ARL15: variants seen among roughly 807,000 people sequenced by gnomAD.
ARL15 encodes the protein ARF like GTPase 15.
ARL15 carries 19 observed loss-of-function variants against 25.2 expected under a neutral mutation model. That is an observed-to-expected ratio of 0.75 (90% CI 0.53 to 1.10). ARL15 has a LOEUF of 1.10. ARL15 is among the 50% of genes least tolerant of loss of function. The pLI, the probability that ARL15 is intolerant of heterozygous loss-of-function variation, is 0.00. For missense variants in ARL15, 220 were observed against 246.0 expected, an observed-to-expected ratio of 0.89 and a Z score of 0.71; for synonymous variants, 94 against 86.8, an observed-to-expected ratio of 1.08 and a Z score of -0.46.
intron 4 of ARL15, among the ~76,000 whole-genome samples, chr5:54,077,932 A>G (rs750735226): frequency 1.6e-4 from 24 of 152,162 alleles, no homozygotes; most frequent in Non-Finnish European, 2.9e-4. Flanking sequence ...GAAATATGTA[A>G]TTAATAAAGC....
intron 3 of ARL15, among the ~76,000 whole-genome samples, chr5:54,140,973 T>A: frequency 6.6e-6 from 1 of 152,198 alleles, no homozygotes; most frequent in East Asian, 1.9e-4. Context: ...CTCCTTTCTA[T>A]AAGATCTGCA....
chr5:54,143,737 G>GA (rs1753831648), intron 3 of ARL15, among the ~76,000 whole-genome samples: 1 of 151,262 alleles, frequency 6.6e-6, no homozygotes, highest in Non-Finnish European at 1.5e-5. Context: ...AAAAGTTATG[G>GA]AAAAAAATTC....
rs191923229 is a variant in ARL15, at chr5:54,033,594, C to A, written c.462+79608G>T. 5.2e-3 allele frequency among the ~76,000 whole-genome samples: 788 copies of A among 151,304 alleles called. 3 individuals carry two copies. Among genetic ancestry groups the A allele is most frequent in the Admixed American group, 0.011 (172 of 15,214 alleles). On this transcript the variant is annotated intron_variant, in intron 4 of 4. Coordinates refer to ENST00000504924, the MANE Select transcript of ARL15 (RefSeq NM_019087.3). ...GGCTGAGGCAGGAGAATTGCTTGAA[C>A]CTGGGAGGTGGAGGTTGCAGTGATC...
intron 1 of ARL15, among the ~76,000 whole-genome samples, chr5:54,246,831 CACACACACACACACA>C (rs1757101054): frequency 7.2e-6 from 1 of 138,868 alleles, no homozygotes; most frequent in Non-Finnish European, 1.6e-5. Flanking sequence ...CACACACACA[CACACACACACACACA>C]GAGTACATAA....
intron 1 of ARL15, among the ~76,000 whole-genome samples, chr5:54,277,534 G>A (rs1376176960): frequency 1.3e-5 from 2 of 152,118 alleles, no homozygotes; most frequent in African/African-American, 2.4e-5. Flanking sequence ...GGCGGATCAC[G>A]AGGTCAGGAG....
chr5:53,984,446 C>G (rs2111616794), intron 4 of ARL15, among the ~76,000 whole-genome samples: 1 of 152,098 alleles, frequency 6.6e-6, no homozygotes, highest in Middle Eastern at 3.4e-3. Flanking sequence ...ACATTATGTT[C>G]TGGAGAGTTA....
intron 4 of ARL15, among the ~76,000 whole-genome samples, chr5:54,031,206 G>C (rs1200794422): frequency 6.6e-6 from 1 of 152,150 alleles, no homozygotes; most frequent in East Asian, 1.9e-4. Flanking sequence ...TACTAAGACA[G>C]ACATTTAAGA....
intron 4 of ARL15, among the ~76,000 whole-genome samples, chr5:54,059,870 C>T (rs139293279): frequency 7.4e-4 from 112 of 152,034 alleles, no homozygotes; most frequent in African/African-American, 2.7e-3. Context: ...CTACTTATAA[C>T]CAAATATTAG....
At chr5:54,166,349 C>A (rs1392062261) in intron 2 of ARL15, among the ~76,000 whole-genome samples, 1 of 152,058 alleles carries the variant, frequency 6.6e-6, no homozygotes, top group African/African-American at 2.4e-5. Context: ...CAAGCACCAA[C>A]ACATGCAGCT....
intron 1 of ARL15, among the ~76,000 whole-genome samples, chr5:54,181,905 A>G (rs941315961): frequency 7.0e-6 from 1 of 143,494 alleles, no homozygotes; most frequent in Non-Finnish European, 1.5e-5. Context: ...GCCAGTGATG[A>G]TGAGCATTTT....
At chr5:53,903,166 T>A (rs1212750164) in intron 4 of ARL15, among the ~76,000 whole-genome samples, 1 of 152,146 alleles carries the variant, frequency 6.6e-6, no homozygotes, top group Non-Finnish European at 1.5e-5. Context: ...GTGAAAGACA[T>A]GTCTCAAGAA....
At chr5:54,169,625 C>T (rs1754664986) in intron 2 of ARL15, among the ~76,000 whole-genome samples, 2 of 152,190 alleles carry the variant, frequency 1.3e-5, no homozygotes. Flanking sequence ...CATCTGTATC[C>T]ATGCCTAAAC....
chr5:54,059,846 T>C (rs1217610262), intron 4 of ARL15, among the ~76,000 whole-genome samples: 1 of 152,192 alleles, frequency 6.6e-6, no homozygotes, highest in Non-Finnish European at 1.5e-5. Context: ...ACATTAATGC[T>C]TGTATTTCAT....
chr5:54,067,883 AC>A (rs1751292547), intron 4 of ARL15, among the ~76,000 whole-genome samples: 1 of 152,106 alleles, frequency 6.6e-6, no homozygotes, highest in South Asian at 2.1e-4. Flanking sequence ...ACATTCATTC[AC>A]TCACCAAAAA....
At chr5:54,284,218 C>T (rs1758131333) in intron 1 of ARL15, among the ~76,000 whole-genome samples, 1 of 152,192 alleles carries the variant, frequency 6.6e-6, no homozygotes, top group African/African-American at 2.4e-5. Flanking sequence ...ATCCTCCCAC[C>T]TGAGCCTCCC....
chr5:53,969,645 T>A (rs914706646), intron 4 of ARL15, among the ~76,000 whole-genome samples: 2 of 152,138 alleles, frequency 1.3e-5, no homozygotes, highest in African/African-American at 2.4e-5. Context: ...TTAATATTTT[T>A]AAAAAATCTA....
intron 4 of ARL15, among the ~76,000 whole-genome samples, chr5:54,070,161 C>T (rs1207602281): frequency 4.7e-5 from 7 of 150,522 alleles, no homozygotes; most frequent in South Asian, 2.1e-4. Context: ...GAGGCCGAGG[C>T]GGGTGGATCA....
chr5:53,898,460 T>C (rs1043036612), intron 4 of ARL15, among the ~76,000 whole-genome samples: 1 of 152,152 alleles, frequency 6.6e-6, no homozygotes, highest in African/African-American at 2.4e-5. Flanking sequence ...GGAAGGGTAA[T>C]TCAATGTTTT....
chr5:54,065,256 T>C (rs1751187671), intron 4 of ARL15, among the ~76,000 whole-genome samples: 1 of 152,244 alleles, frequency 6.6e-6, no homozygotes, highest in Non-Finnish European at 1.5e-5. Flanking sequence ...TAATTTGTCA[T>C]TAATGCATAT....
Sources: allele counts gnomAD v4.1 joint callset (sites outside exome capture counted in the v4.1 genomes callset), GRCh38; gene constraint gnomAD v4.1.1; transcripts MANE v1.5; gene names NCBI Gene and HGNC (gene_info 2026-07-23, HGNC 2026-07-21).